The following PCDHGB2 variants were observed in gnomAD, a reference collection of about 807,000 sequenced individuals.
PCDHGB2 encodes protocadherin gamma subfamily B, 2.
Under a neutral mutation model 59.3 loss-of-function variants are expected in PCDHGB2, and 55 were observed. The ratio of observed to expected loss-of-function variants is 0.93; its 90% confidence interval spans 0.75 to 1.16. PCDHGB2 has a LOEUF of 1.16. Ranked by LOEUF, PCDHGB2 falls within the 50% of genes most tolerant of loss-of-function variation. PCDHGB2 has a pLI of 0.00. For synonymous variants in PCDHGB2, 516 were observed against 512.0 expected (o/e 1.01, Z -0.11); for missense variants, 1,228 against 1,198.5 (o/e 1.02, Z -0.36).
intron 1 of PCDHGB2, among the ~76,000 whole-genome samples, chr5:141,456,985 A>C (rs2098902590): frequency 6.6e-6 from 1 of 152,204 alleles, no homozygotes; most frequent in Non-Finnish European, 1.5e-5. Context: ...ACAAACAAAC[A>C]AACAAAAACT....
chr5:141,370,097 C>T (rs1368287584), intron 1 of PCDHGB2, among the ~76,000 whole-genome samples: 2 of 152,174 alleles, frequency 1.3e-5, no homozygotes. Flanking sequence ...AGTACACTGC[C>T]GATTTTTCTC....
In PCDHGB2 at chr5:141,404,595, T is replaced by C. The variant is rs1035989165; in HGVS notation, c.2421+42039T>C. On this transcript the variant is annotated intron_variant, in intron 1 of 3. Transcript: ENST00000522605. ...CCACCACTTAGCAGCAATGTGTCAT[T>C]GAGACTGTTTGTTTTGGACCAGAAT... is the stretch of plus-strand genomic sequence containing the variant. 44 of 1,613,678 alleles carry C rather than the reference T, an allele frequency of 2.7e-5. No homozygotes were observed. Among genetic ancestry groups the C allele is most frequent in the Non-Finnish European group, 3.6e-5 (43 of 1,179,690 alleles).
At chr5:141,403,784 G>T in intron 1 of PCDHGB2, 1 of 1,613,906 alleles carries the variant, frequency 6.2e-7, no homozygotes, top group Non-Finnish European at 8.5e-7. Context: ...CGGAAAAGTG[G>T]CATACAAATT....
At chr5:141,368,970 C>T (rs551619328) in intron 1 of PCDHGB2, among the ~76,000 whole-genome samples, 1 of 152,290 alleles carries the variant, frequency 6.6e-6, no homozygotes, top group South Asian at 2.1e-4. Context: ...TGCTATAATG[C>T]TTTTCCACTA....
intron 1 of PCDHGB2, chr5:141,392,803 G>A: frequency 6.4e-7 from 1 of 1,573,156 alleles, no homozygotes. Context: ...GGATTCTGCA[G>A]CAAAACAACA....
At chr5:141,502,512 T>C (rs1029375922) in intron 2 of PCDHGB2, among the ~76,000 whole-genome samples, 2 of 152,212 alleles carry the variant, frequency 1.3e-5, no homozygotes, top group East Asian at 1.9e-4. Context: ...CCTGTCCCAC[T>C]ATCAGTGATG....
chr5:141,443,093 C>G (rs1316602934), intron 1 of PCDHGB2, among the ~76,000 whole-genome samples: 2 of 151,940 alleles, frequency 1.3e-5, no homozygotes, highest in African/African-American at 4.8e-5. Flanking sequence ...CAGTCTCCTT[C>G]TCAAGCTGAA....
chr5:141,399,093 A>C, intron 1 of PCDHGB2: 1 of 1,613,820 alleles, frequency 6.2e-7, no homozygotes. Flanking sequence ...ATGGTGGTGG[A>C]CTGGTTGCAC....
chr5:141,415,101 C>T, intron 1 of PCDHGB2: 1 of 1,613,550 alleles, frequency 6.2e-7, no homozygotes, highest in South Asian at 1.1e-5. Context: ...GAGACGCGCT[C>T]AAGCAAAGCC....
chr5:141,372,155 G>A (rs1257582169), intron 1 of PCDHGB2: 1 of 1,613,678 alleles, frequency 6.2e-7, no homozygotes, highest in Admixed American at 1.7e-5. Flanking sequence ...CTGGCTACCT[G>A]GTGACCAAGG....
chr5:141,371,774 T>A, intron 1 of PCDHGB2: 1 of 1,614,000 alleles, frequency 6.2e-7, no homozygotes, highest in Non-Finnish European at 8.5e-7. Flanking sequence ...ACACCGTGCA[T>A]GTAGCTGAGA....
intron 1 of PCDHGB2, chr5:141,393,547 C>T (rs761723933): frequency 4.3e-6 from 7 of 1,613,938 alleles, no homozygotes; most frequent in South Asian, 1.1e-5. Flanking sequence ...TTTCCTCACC[C>T]GATTTACCGA....
At chr5:141,421,930 G>A (rs780569992) in intron 1 of PCDHGB2, 1 of 1,613,480 alleles carries the variant, frequency 6.2e-7, no homozygotes, top group Non-Finnish European at 8.5e-7. Flanking sequence ...GGTGGTCCTC[G>A]ATGTAAATGA....
At chr5:141,365,626 C>T in intron 1 of PCDHGB2, 2 of 1,613,678 alleles carry the variant, frequency 1.2e-6, no homozygotes, top group Non-Finnish European at 8.5e-7. Flanking sequence ...CCCCGCCCCT[C>T]TCTACAGAAA....
intron 1 of PCDHGB2, chr5:141,430,922 G>A: frequency 1.2e-6 from 2 of 1,607,168 alleles, no homozygotes; most frequent in South Asian, 2.2e-5. Context: ...CCTGGGGCTG[G>A]AGCCCCGGGA....
chr5:141,364,532 T>A (rs1461835311), intron 1 of PCDHGB2: 2 of 1,613,962 alleles, frequency 1.2e-6, no homozygotes. Flanking sequence ...CCGCATCGTC[T>A]CCAGAGGTAG....
intron 1 of PCDHGB2, chr5:141,382,969 TG>T (rs1561593500): frequency 9.9e-6 from 16 of 1,609,418 alleles, no homozygotes; most frequent in Non-Finnish European, 1.4e-5. Flanking sequence ...GGGGACCCCC[TG>T]GGAAGCCTGG....
At chr5:141,413,082 A>T in intron 1 of PCDHGB2, 8 of 1,344,446 alleles carry the variant, frequency 6.0e-6, no homozygotes, top group Non-Finnish European at 8.1e-6. Context: ...CCCAGGCTAC[A>T]GAGACACCCT....
At chr5:141,436,486 C>A (rs2097826645) in intron 1 of PCDHGB2, among the ~76,000 whole-genome samples, 1 of 152,152 alleles carries the variant, frequency 6.6e-6, no homozygotes. Flanking sequence ...AGAAGGATAG[C>A]AGCTTTGCAA....
Sources: gnomAD v4.1 joint callset for allele counts (sites outside exome capture counted in the v4.1 genomes callset) on GRCh38, gnomAD v4.1.1 for gene constraint, MANE v1.5 for transcripts, NCBI Gene and HGNC (gene_info 2026-07-23, HGNC 2026-07-21) for gene names.